MYZAP: variants seen among roughly 807,000 people sequenced by gnomAD.
MYZAP encodes the protein GRINL1A complex locus upstream.
A neutral mutation model predicts 69.4 loss-of-function variants in MYZAP; 66 were observed. The ratio of observed to expected loss-of-function variants is 0.95; its 90% confidence interval spans 0.78 to 1.17. The LOEUF (loss-of-function observed/expected upper bound fraction) is 1.17. Among genes scored for constraint, MYZAP ranks in the 50% most tolerant of loss-of-function variants. The probability of loss-of-function intolerance (pLI) is 0.00; values close to 1 mark genes in which losing one functional copy is unlikely to be tolerated. For synonymous variants in MYZAP, 256 were observed against 205.9 expected, an observed-to-expected ratio of 1.24 and a Z score of -2.09; for missense variants, 611 against 556.2, an observed-to-expected ratio of 1.10 and a Z score of -0.99.
chr15:57,662,013 G>C (rs530221536), intron 11 of MYZAP, among the ~76,000 whole-genome samples: 1 of 152,334 alleles, frequency 6.6e-6, no homozygotes, highest in African/African-American at 2.4e-5. Flanking sequence ...GAGCCAGGCT[G>C]AAAGACTCCT....
Position 57,661,413 on chromosome 15 carries a change from A to G in MYZAP, c.1120-37A>G, listed in dbSNP as rs1242796657. The G allele has an allele frequency of 2.0e-6, 3 of 1,504,082 alleles. No homozygotes were observed. In the African/African-American group the frequency reaches 4.1e-5, roughly 21 times the overall value. The allele number at this position is 1,504,082 out of a possible 1,614,324, so 93.2% of individuals were successfully genotyped here. ...TAAACCTGTACTTACACAATTGTAC[A>G]TTTTTGATTAACAATTTTCCATCCC... is the stretch of plus-strand genomic sequence containing the variant. On this transcript the variant is annotated intron_variant, in intron 10 of 12. Coordinates refer to ENST00000267853, the MANE Select transcript of MYZAP (RefSeq NM_001018100.5).
chr15:57,610,955 G>C lies in MYZAP; in HGVS notation c.162+6600G>C, dbSNP rs904663845. Among the ~76,000 whole-genome samples the C allele has an allele frequency of 3.3e-5, 5 of 152,160 alleles. No homozygotes were observed. In the East Asian group the frequency reaches 9.6e-4, roughly 29 times the overall value. ...CGCTGTCAGAGCCACTTTGACAACTGTAATGAGAACAGCAAAAAGACCAAG... is the reference window on the plus strand; with the variant it reads ...CGCTGTCAGAGCCACTTTGACAACTCTAATGAGAACAGCAAAAAGACCAAG... On this transcript the variant is annotated intron_variant, in intron 2 of 12. Transcript: ENST00000267853.
rs530221536 is a variant in MYZAP at position 57,662,013 on chromosome 15, G to A, written c.1203+480G>A. On this transcript the variant is annotated intron_variant, in intron 11 of 12. Transcript: ENST00000267853. ...GCTTAATAAATGTCAGAGCCAGGCT[G>A]AAAGACTCCTAAATCCAGTGCTCTC... is the stretch of plus-strand genomic sequence containing the variant. 2.6e-5 allele frequency among the ~76,000 whole-genome samples: 4 copies of A among 152,216 alleles called. No homozygotes were observed. In the South Asian group the frequency reaches 6.2e-4, roughly 24 times the overall value.
chr15:57,606,929 A>G (rs1247764639), intron 2 of MYZAP, among the ~76,000 whole-genome samples: 1 of 152,106 alleles, frequency 6.6e-6, no homozygotes, highest in Non-Finnish European at 1.5e-5. Flanking sequence ...CTAAGCAGAG[A>G]GTGGAAGTGG....
chr15:57,676,515 A>G (rs929642179), intron 12 of MYZAP, among the ~76,000 whole-genome samples: 1 of 150,308 alleles, frequency 6.7e-6, no homozygotes, highest in South Asian at 2.1e-4. Context: ...ATATTTTCAT[A>G]TATGAAAATA....
At chr15:57,628,165 G>C (rs1262422325) in intron 5 of MYZAP, among the ~76,000 whole-genome samples, 5 of 152,212 alleles carry the variant, frequency 3.3e-5, no homozygotes, top group Admixed American at 3.3e-4. Context: ...CACAGTAGAA[G>C]ATGACTTTCC....
rs191893976 is a variant in MYZAP at position 57,651,876 on chromosome 15, G to A, written c.1120-9574G>A. ...ACAGCCAAGTCATGTTTAGGTACCC[G>A]GGGGAGCCAGAGTGCTCCTCCTCTC... On this transcript the variant is annotated intron_variant, in intron 10 of 12. Transcript: ENST00000267853. Among the ~76,000 whole-genome samples the A allele has an allele frequency of 4.7e-3, 719 of 152,250 alleles. 6 individuals carry two copies. The highest frequency in any genetic ancestry group is 6.8e-3 in the Middle Eastern group (2 of 294).
intron 10 of MYZAP, among the ~76,000 whole-genome samples, chr15:57,661,191 T>C (rs1348479406): frequency 3.3e-5 from 5 of 152,200 alleles, no homozygotes; most frequent in African/African-American, 1.2e-4. Flanking sequence ...GACTCCAGAA[T>C]CATGTCTGCT....
chr15:57,665,356 G>T lies in MYZAP; in HGVS notation c.1203+3823G>T, dbSNP rs200392279. Among the ~76,000 whole-genome samples the T allele has an allele frequency of 5.3e-5, 8 of 152,300 alleles. No individual in the cohort carries two copies. The East Asian group carries it at 1.2e-3, about 22-fold the overall frequency. On this transcript the variant is annotated intron_variant, in intron 11 of 12. Coordinates refer to ENST00000267853, the MANE Select transcript of MYZAP (RefSeq NM_001018100.5). ...TATTTGCAGAATTCATAGGAGTTTG[G>T]GATTCATATCAAGTCTTAGAGTTTA... is the stretch of plus-strand genomic sequence containing the variant.
intron 11 of MYZAP, among the ~76,000 whole-genome samples, chr15:57,665,817 A>G (rs1258430497): frequency 6.6e-6 from 1 of 152,226 alleles, no homozygotes; most frequent in African/African-American, 2.4e-5. Flanking sequence ...TTTTTAACCT[A>G]GGGATTTTAT....
intron 2 of MYZAP, among the ~76,000 whole-genome samples, chr15:57,609,553 G>A (rs1310425857): frequency 9.2e-5 from 14 of 152,130 alleles, no homozygotes. Flanking sequence ...AACTTGACCT[G>A]CTCTCCATAT....
chr15:57,681,784 C>CAA (rs1171452868), intron 12 of MYZAP, among the ~76,000 whole-genome samples: 1 of 139,600 alleles, frequency 7.2e-6, no homozygotes, highest in Non-Finnish European at 1.6e-5. Context: ...GATTTGGTCT[C>CAA]AAAAAAAAAA....
chr15:57,614,830 C>T (rs1483134056), intron 2 of MYZAP, among the ~76,000 whole-genome samples: 4 of 152,072 alleles, frequency 2.6e-5, no homozygotes, highest in Non-Finnish European at 4.4e-5. Flanking sequence ...AGGCTGTTAC[C>T]CTGGAAGAAG....
chr15:57,664,492 T>C (rs1276163058), intron 11 of MYZAP, among the ~76,000 whole-genome samples: 2 of 152,196 alleles, frequency 1.3e-5, no homozygotes, highest in Non-Finnish European at 1.5e-5. Flanking sequence ...TCCTTGCTAA[T>C]TGTGGATGAT....
chr15:57,627,060 C>T (rs889605656), intron 5 of MYZAP, among the ~76,000 whole-genome samples: 2 of 152,228 alleles, frequency 1.3e-5, no homozygotes, highest in East Asian at 1.9e-4. Context: ...CGGACGCTGT[C>T]TCATTCCCAG....
At chr15:57,621,525 C>A in intron 3 of MYZAP, 83 bp from the exon 4 acceptor site, 1 of 1,527,636 alleles carries the variant, frequency 6.5e-7, no homozygotes, top group South Asian at 1.2e-5. Context: ...GTCCTTCTTT[C>A]TTTAGAGTTT....
At chr15:57,673,758 G>A (rs1270892327) in intron 11 of MYZAP, among the ~76,000 whole-genome samples, 4 of 152,154 alleles carry the variant, frequency 2.6e-5, no homozygotes, top group Admixed American at 1.3e-4. Flanking sequence ...GCTACTGAAT[G>A]TTTAACCCAC....
chr15:57,617,967 T>A, intron 2 of MYZAP, 66 bp from the exon 3 acceptor site: 1 of 1,549,222 alleles, frequency 6.5e-7, no homozygotes, highest in Non-Finnish European at 8.7e-7. Context: ...AGTGGGCCCG[T>A]TATTACAACT....
chr15:57,639,982 A>C (rs1341345761), intron 10 of MYZAP, among the ~76,000 whole-genome samples: 5 of 151,096 alleles, frequency 3.3e-5, no homozygotes, highest in African/African-American at 1.2e-4. Context: ...TGTGTCTTTC[A>C]TTCCCTTTCC....
Sources: gnomAD v4.1 joint callset for allele counts (sites outside exome capture counted in the v4.1 genomes callset) on GRCh38, gnomAD v4.1.1 for gene constraint, MANE v1.5 for transcripts, NCBI Gene and HGNC (gene_info 2026-07-23, HGNC 2026-07-21) for gene names.